SCN9A: variants seen among roughly 807,000 people sequenced by gnomAD.
The protein encoded by SCN9A is sodium voltage-gated channel alpha subunit 9.
Under a neutral mutation model 187.0 loss-of-function variants are expected in SCN9A, and 131 were observed. The observed-to-expected ratio is 0.70, with a 90% CI of 0.61 to 0.81. The LOEUF (loss-of-function observed/expected upper bound fraction) is 0.81, where lower values mean the gene tolerates loss of function less well. SCN9A is among the 30% of genes least tolerant of loss of function. The pLI, the probability that SCN9A is intolerant of heterozygous loss-of-function variation, is 0.00. For missense variants in SCN9A, 2,252 were observed against 2,396.6 expected (o/e 0.94, Z 1.26); for synonymous variants, 809 against 808.6 (o/e 1.00, Z -0.01).
At chr2:166,209,697 C>T (rs1348082810) in intron 24 of SCN9A, among the ~76,000 whole-genome samples, 1 of 151,950 alleles carries the variant, frequency 6.6e-6, no homozygotes, top group African/African-American at 2.4e-5. Flanking sequence ...CCAAAAAACA[C>T]ATGAAAAAAT....
chr2:166,288,114 T>TACAC (rs1303192440), intron 10 of SCN9A, among the ~76,000 whole-genome samples: 40 of 96,492 alleles, frequency 4.1e-4, no homozygotes, highest in African/African-American at 1.9e-3. Context: ...TATATATATA[T>TACAC]ATATATACAC....
chr2:166,210,343 G>C (rs938301107), intron 24 of SCN9A, among the ~76,000 whole-genome samples: 7 of 151,964 alleles, frequency 4.6e-5, no homozygotes, highest in Non-Finnish European at 8.8e-5. Flanking sequence ...CTAACATTAG[G>C]AGATATACCT....
chr2:166,256,514 T>A (rs1469697273), intron 17 of SCN9A, among the ~76,000 whole-genome samples: 1 of 151,642 alleles, frequency 6.6e-6, no homozygotes, highest in East Asian at 1.9e-4. Context: ...TAAGTTTTAA[T>A]GTTACTTCCA....
chr2:166,198,903 T>C lies in SCN9A; in HGVS notation c.5736A>G (p.Ile1912Met), dbSNP rs1477170616. 1 of 1,613,708 alleles carries C rather than the reference T, an allele frequency of 6.2e-7. No individual in the cohort carries two copies. The highest frequency in any genetic ancestry group is 8.5e-7 in the Non-Finnish European group (1 of 1,179,652). ...CTCCATCTTTTATGTATATACTTGA[T>C]ATATTTTTGACATTTTGCCTTAAGC... ...RYRLRQNVKNISSIYIKDGDR... is the reference protein window; with the variant it reads ...RYRLRQNVKNMSSIYIKDGDR... Residue 1912 changes from isoleucine (I) to methionine (M), a missense_variant, in exon 27 of 27, where the codon ATA becomes ATG. Physicochemically the swap from Ile to Met is conservative, Grantham distance 10. Coordinates refer to ENST00000642356, the MANE Select transcript of SCN9A (RefSeq NM_001365536.1).
chr2:166,318,722 T>C (rs558428181), intron 1 of SCN9A, among the ~76,000 whole-genome samples: 1 of 152,276 alleles, frequency 6.6e-6, no homozygotes, highest in East Asian at 1.9e-4. Context: ...AGGGGCACTT[T>C]ACCAGAATGG....
chr2:166,337,210 T>A (rs1699650544), intron 1 of SCN9A, among the ~76,000 whole-genome samples: 1 of 152,108 alleles, frequency 6.6e-6, no homozygotes, highest in South Asian at 2.1e-4. Flanking sequence ...GAGATGAGCA[T>A]CCAAGATTAC....
chr2:166,239,189 C>T (rs1695452994), intron 19 of SCN9A, among the ~76,000 whole-genome samples: 1 of 146,972 alleles, frequency 6.8e-6, no homozygotes, highest in Admixed American at 7.0e-5. Context: ...CGCCACTGCA[C>T]TCCAGCCTGG....
chr2:166,340,354 A>G (rs1279252241), intron 1 of SCN9A, among the ~76,000 whole-genome samples: 1 of 152,134 alleles, frequency 6.6e-6, no homozygotes, highest in African/African-American at 2.4e-5. Flanking sequence ...TTGCAAAACT[A>G]CTTTTCACTC....
intron 1 of SCN9A, among the ~76,000 whole-genome samples, chr2:166,367,817 C>G (rs1020029911): frequency 6.6e-6 from 1 of 152,204 alleles, no homozygotes; most frequent in Non-Finnish European, 1.5e-5. Flanking sequence ...TGTCTTCAAA[C>G]TTCCACCAAA....
At chr2:166,229,226 G>C (rs1046719852) in intron 21 of SCN9A, among the ~76,000 whole-genome samples, 12 of 152,014 alleles carry the variant, frequency 7.9e-5, no homozygotes, top group African/African-American at 2.9e-4. Flanking sequence ...CAATAAAATT[G>C]TTAGCAAAAT....
At chr2:166,305,731 G>A (rs1698732123) in intron 5 of SCN9A, 61 bp downstream of exon 5, 2 of 1,605,796 alleles carry the variant, frequency 1.2e-6, no homozygotes, top group East Asian at 2.2e-5. Flanking sequence ...GCTGTTATTG[G>A]AACACTGTGC....
chr2:166,369,803 A>G (rs1700505226), intron 1 of SCN9A, among the ~76,000 whole-genome samples: 1 of 152,184 alleles, frequency 6.6e-6, no homozygotes, highest in Admixed American at 6.5e-5. Flanking sequence ...AAGAATAGTC[A>G]TTTAGTAGAG....
At chr2:166,305,689 T>C in intron 5 of SCN9A, 103 bp downstream of exon 5, 2 of 1,460,692 alleles carry the variant, frequency 1.4e-6, no homozygotes, top group East Asian at 2.3e-5. Flanking sequence ...ATACAGACAT[T>C]CCATGCTGGA....
intron 16 of SCN9A, among the ~76,000 whole-genome samples, chr2:166,275,801 G>T (rs1025514796): frequency 2.6e-5 from 4 of 152,110 alleles, no homozygotes; most frequent in African/African-American, 9.7e-5. Flanking sequence ...TAAAAATCTA[G>T]AATTTGTGCT....
In SCN9A at chr2:166,303,222, TCAGA is replaced by T; in HGVS notation, c.765_768del (p.Cys255Ter). The T allele has an allele frequency of 1.2e-6, 2 of 1,613,706 alleles. No individual in the cohort carries two copies. The highest frequency in any genetic ancestry group is 1.7e-6 in the Non-Finnish European group (2 of 1,179,758). On this transcript the variant is annotated frameshift_variant, in exon 7 of 27. Transcript: ENST00000642356. LOFTEE classifies it high-confidence loss of function. ...TGTAGTCCAATTAGTGCAAACACAC[TCAGA>T]CAGAACACAGTCAGGATCATGACAT...
intron 17 of SCN9A, among the ~76,000 whole-genome samples, chr2:166,252,995 T>C (rs1468804560): frequency 6.6e-6 from 1 of 151,866 alleles, no homozygotes; most frequent in Non-Finnish European, 1.5e-5. Flanking sequence ...TTTAGAGTAG[T>C]TCAAGCAAGT....
Position 166,305,800 on chromosome 2 carries a change from A to T in SCN9A, c.588T>A (p.Ile196=). The T allele has an allele frequency of 6.2e-7, 1 of 1,613,466 alleles. No homozygotes were observed. Among genetic ancestry groups the T allele is most frequent in the Non-Finnish European group, 8.5e-7 (1 of 1,179,538 alleles). Residue 196 remains isoleucine (I), a synonymous_variant, in exon 5 of 27, where the codon ATT becomes ATA. Coordinates refer to ENST00000642356, the MANE Select transcript of SCN9A (RefSeq NM_001365536.1). The part of the protein sequence containing the change: ...DPWNWLDFVV[I]VFAYLTEFVN... ...AAGCTGAAAGTACTTACGCAAAAAC[A>T]ATGACGACAAAATCCAGCCAGTTCC...
intron 9 of SCN9A, among the ~76,000 whole-genome samples, chr2:166,291,237 T>A (rs898528654): frequency 1.3e-5 from 2 of 152,156 alleles, no homozygotes; most frequent in Non-Finnish European, 2.9e-5. Context: ...GGTATCAGGA[T>A]ACAAAATCAA....
chr2:166,355,807 C>T (rs111426485), intron 1 of SCN9A, among the ~76,000 whole-genome samples: 7,378 of 143,618 alleles, frequency 0.051, 226 homozygotes, highest in African/African-American at 0.076. Flanking sequence ...TTTTTTTTGA[C>T]AGATTCTCAG....
Sources: allele counts gnomAD v4.1 joint callset (sites outside exome capture counted in the v4.1 genomes callset), GRCh38; gene constraint gnomAD v4.1.1; transcripts MANE v1.5; gene names NCBI Gene and HGNC (gene_info 2026-07-23, HGNC 2026-07-21).